Variants in SLC10A7 observed in about 807,000 individuals in gnomAD.
SLC10A7 encodes solute carrier family 10 member 7.
SLC10A7 carries 29 observed loss-of-function variants against 43.2 expected under a neutral mutation model. The observed-to-expected ratio is 0.67, with a 90% CI of 0.50 to 0.92. SLC10A7 has a LOEUF of 0.92. Ranked by LOEUF, SLC10A7 falls within the 40% of genes least tolerant of loss-of-function variation. SLC10A7 has a pLI of 0.00. For synonymous variants in SLC10A7, 152 were observed against 144.8 expected, an observed-to-expected ratio of 1.05 and a Z score of -0.35; for missense variants, 295 against 403.2, an observed-to-expected ratio of 0.73 and a Z score of 2.30.
chr4:146,513,740 ATCT>A (rs1737692089), intron 2 of SLC10A7, among the ~76,000 whole-genome samples: 1 of 152,204 alleles, frequency 6.6e-6, no homozygotes, highest in Non-Finnish European at 1.5e-5. Flanking sequence ...TATTTTCCAT[ATCT>A]TCTGCATACA....
At chr4:146,434,660 T>C (rs1166709497) in intron 5 of SLC10A7, among the ~76,000 whole-genome samples, 1 of 152,180 alleles carries the variant, frequency 6.6e-6, no homozygotes, top group Non-Finnish European at 1.5e-5. Context: ...ACCTCCTGGG[T>C]CCAAGGGATT....
At chr4:146,404,088 C>T (rs1466255588) in intron 5 of SLC10A7, among the ~76,000 whole-genome samples, 1 of 152,164 alleles carries the variant, frequency 6.6e-6, no homozygotes, top group African/African-American at 2.4e-5. Flanking sequence ...GGCTAGAGTG[C>T]AGTGGCATGC....
At chr4:146,390,787 C>T (rs138431096) in intron 5 of SLC10A7, among the ~76,000 whole-genome samples, 16 of 152,156 alleles carry the variant, frequency 1.1e-4, no homozygotes, top group African/African-American at 3.4e-4. Context: ...TTTAAGTCTA[C>T]TGGGTTTAAA....
intron 6 of SLC10A7, 46 bp from the exon 7 acceptor site, chr4:146,306,055 T>G: frequency 1.4e-6 from 2 of 1,477,788 alleles, no homozygotes; most frequent in South Asian, 2.6e-5. Context: ...AAATCAGTTA[T>G]CAAGCATTAG....
At chr4:146,294,583 C>G (rs929405364) in intron 7 of SLC10A7, among the ~76,000 whole-genome samples, 1 of 152,110 alleles carries the variant, frequency 6.6e-6, no homozygotes, top group Non-Finnish European at 1.5e-5. Flanking sequence ...TAGCAATGCA[C>G]CAGAAGTTTT....
intron 6 of SLC10A7, among the ~76,000 whole-genome samples, chr4:146,307,356 A>G (rs914173006): frequency 1.9e-4 from 29 of 152,316 alleles, no homozygotes; most frequent in South Asian, 4.1e-4. Context: ...ATGAAGAGAG[A>G]CAAACAGAAA....
chr4:146,478,919 A>G (rs1734242253), intron 4 of SLC10A7, among the ~76,000 whole-genome samples: 1 of 152,182 alleles, frequency 6.6e-6, no homozygotes, highest in East Asian at 1.9e-4. Flanking sequence ...GAAAACAAAA[A>G]TAATCATCAA....
chr4:146,295,835 T>A (rs1388816987), intron 7 of SLC10A7, among the ~76,000 whole-genome samples: 1 of 152,176 alleles, frequency 6.6e-6, no homozygotes. Context: ...TTCAATCTTG[T>A]TTTTAATACA....
chr4:146,418,623 A>C (rs544323531), intron 5 of SLC10A7, among the ~76,000 whole-genome samples: 1 of 152,168 alleles, frequency 6.6e-6, no homozygotes, highest in Non-Finnish European at 1.5e-5. Context: ...CATGTGAAAA[A>C]CCAAAGCAAA....
At chr4:146,350,015 T>C (rs115805606) in intron 5 of SLC10A7, among the ~76,000 whole-genome samples, 3,325 of 151,072 alleles carry the variant, frequency 0.022, 115 homozygotes, top group African/African-American at 0.076. Flanking sequence ...AAAATATATA[T>C]ATAGGGGGAG....
Position 146,474,035 on chromosome 4 carries a change from T to C in SLC10A7, c.396+29814A>G, listed in dbSNP as rs201272470. ...TTCTCAGTTCTTTGGATTACTCCCA[T>C]ACATGCCAGAGAGGGTTTTATATAA... On this transcript the variant is annotated intron_variant, in intron 4 of 11. Coordinates refer to ENST00000335472, the MANE Select transcript of SLC10A7 (RefSeq NM_001029998.6). Among the ~76,000 whole-genome samples, 5 of 152,028 alleles carry C rather than the reference T, an allele frequency of 3.3e-5. No homozygotes were observed. The East Asian group carries it at 9.7e-4, about 29-fold the overall frequency.
At chr4:146,455,102 T>C (rs1049770793) in intron 4 of SLC10A7, among the ~76,000 whole-genome samples, 3 of 151,856 alleles carry the variant, frequency 2.0e-5, no homozygotes, top group Non-Finnish European at 4.4e-5. Context: ...AATGCTTCTC[T>C]AATTATTCAT....
intron 4 of SLC10A7, among the ~76,000 whole-genome samples, chr4:146,475,314 T>G (rs1733928724): frequency 6.6e-6 from 1 of 152,176 alleles, no homozygotes; most frequent in Non-Finnish European, 1.5e-5. Flanking sequence ...CATTTTGTAT[T>G]TAATCATGTA....
At chr4:146,384,770 G>A (rs1307780728) in intron 5 of SLC10A7, among the ~76,000 whole-genome samples, 2 of 152,000 alleles carry the variant, frequency 1.3e-5, no homozygotes, top group African/African-American at 4.8e-5. Flanking sequence ...GGGCCTACTG[G>A]GAGGTGCCTA....
At chr4:146,508,809 ACTCT>A (rs1005659072) in intron 3 of SLC10A7, among the ~76,000 whole-genome samples, 10 of 152,054 alleles carry the variant, frequency 6.6e-5, no homozygotes, top group Admixed American at 1.3e-4. Flanking sequence ...AGACCACATC[ACTCT>A]CTCATTCCAA....
At chr4:146,379,602 C>T (rs1371584650) in intron 5 of SLC10A7, among the ~76,000 whole-genome samples, 1 of 152,138 alleles carries the variant, frequency 6.6e-6, no homozygotes, top group Non-Finnish European at 1.5e-5. Context: ...GAGAAATAGT[C>T]TTCTCCAAAG....
intron 2 of SLC10A7, among the ~76,000 whole-genome samples, chr4:146,510,409 G>A (rs1445711694): frequency 6.6e-6 from 1 of 151,950 alleles, no homozygotes; most frequent in African/African-American, 2.4e-5. Flanking sequence ...ACAGGTGCCT[G>A]CCACCACCAT....
chr4:146,306,140 G>A, intron 6 of SLC10A7, 131 bp from the exon 7 acceptor site: 1 of 529,686 alleles, frequency 1.9e-6, no homozygotes, highest in Non-Finnish European at 3.1e-6. Flanking sequence ...AAGAATAAGT[G>A]AAGTTACCTC....
intron 4 of SLC10A7, among the ~76,000 whole-genome samples, chr4:146,445,239 C>G (rs1399572511): frequency 6.6e-6 from 1 of 152,144 alleles, no homozygotes; most frequent in African/African-American, 2.4e-5. Flanking sequence ...AATAACACAG[C>G]TTGGTCATCA....
Sources: gnomAD v4.1 joint callset for allele counts (sites outside exome capture counted in the v4.1 genomes callset) on GRCh38, gnomAD v4.1.1 for gene constraint, MANE v1.5 for transcripts, NCBI Gene and HGNC (gene_info 2026-07-23, HGNC 2026-07-21) for gene names.